Variants in ASXL2 observed in about 807,000 individuals in gnomAD.
ASXL2 encodes the protein ASXL transcriptional regulator 2.
Under a neutral mutation model 122.0 loss-of-function variants are expected in ASXL2, and 23 were observed. The ratio of observed to expected loss-of-function variants is 0.19; its 90% confidence interval spans 0.14 to 0.27. ASXL2 has a LOEUF of 0.27. ASXL2 is among the 10% of genes least tolerant of loss of function. The pLI is 1.00. For missense variants in ASXL2, 1,518 were observed against 1,713.8 expected, an observed-to-expected ratio of 0.89 and a Z score of 2.02; for synonymous variants, 650 against 637.0, an observed-to-expected ratio of 1.02 and a Z score of -0.31.
In ASXL2 at chr2:25,735,671, T is replaced by C. The variant is rs1382075645; in HGVS notation, c.*6358A>G. 6.6e-6 allele frequency: 1 copy of C among 152,240 alleles called. No individual in the cohort carries two copies. The highest frequency in any genetic ancestry group is 2.4e-5 in the African/African-American group (1 of 41,472). 9.4% of individuals were successfully genotyped at this position (152,240 alleles called of 1,614,324 possible). A position where few individuals can be genotyped will look rare whatever the true frequency, so the allele number is the denominator to read the frequency against. Reference sequence around the variant, plus strand: ...GGGTTAGTTTAACAAAACACTAACTTACTGACCTAAATTAACTACTGACAG... The same window carrying C: ...GGGTTAGTTTAACAAAACACTAACTCACTGACCTAAATTAACTACTGACAG... On this transcript the variant is annotated 3_prime_UTR_variant, in exon 13 of 13. Coordinates refer to ENST00000435504, the MANE Select transcript of ASXL2 (RefSeq NM_018263.6).
intron 5 of ASXL2, among the ~76,000 whole-genome samples, chr2:25,783,780 G>A (rs2088687442): frequency 6.6e-6 from 1 of 151,986 alleles, no homozygotes. Context: ...ACATGGCCGG[G>A]TGCGGTGGCT....
rs75406301 is a variant in ASXL2, at chr2:25,791,702, G to A, written c.403+7683C>T. Among the ~76,000 whole-genome samples the A allele has an allele frequency of 7.9e-3, 1,207 of 152,054 alleles. 29 individuals are homozygous for A. Among genetic ancestry groups the A allele is most frequent in the East Asian group, 0.041 (214 of 5,176 alleles). On this transcript the variant is annotated intron_variant, in intron 5 of 12. Coordinates refer to ENST00000435504, the MANE Select transcript of ASXL2 (RefSeq NM_018263.6). ...TCCATAACACATCCTGTCTTCCCTA[G>A]TGATTAAACTCTCCAGAGAAGAATA...
rs552573121 is a variant in ASXL2 at position 25,856,649 on chromosome 2, A to G, written c.58-11086T>C. On this transcript the variant is annotated intron_variant, in intron 1 of 12. Transcript: ENST00000435504. ...CAATGAAAATGTCCTCAGTCTCCCC[A>G]GAGTGGTGGCTCACCATCAACCCTC... is the stretch of plus-strand genomic sequence containing the variant. The G allele has an allele frequency of 1.1e-4, 142 of 1,259,420 alleles. No homozygotes were observed. In the African/African-American group the frequency reaches 1.9e-3, roughly 17 times the overall value. 78.0% of individuals were successfully genotyped at this position (1,259,420 alleles called of 1,614,324 possible).
intron 4 of ASXL2, 139 bp downstream of exon 4, chr2:25,806,090 T>G (rs1289472996): frequency 7.5e-6 from 4 of 533,792 alleles, no homozygotes; most frequent in Admixed American, 3.2e-5. Flanking sequence ...AAAAAATGTA[T>G]TGGGTAGAGG....
intron 1 of ASXL2, among the ~76,000 whole-genome samples, chr2:25,847,473 C>T (rs2089661879): frequency 1.3e-5 from 2 of 152,150 alleles, no homozygotes; most frequent in South Asian, 2.1e-4. Context: ...AAGCTTTCAC[C>T]ACTCACGTTT....
At chr2:25,865,317 A>G (rs1438089883) in intron 1 of ASXL2, among the ~76,000 whole-genome samples, 1 of 151,784 alleles carries the variant, frequency 6.6e-6, no homozygotes, top group Non-Finnish European at 1.5e-5. Flanking sequence ...TTTAAGTCCC[A>G]GCTACTTGGG....
chr2:25,764,912 CT>C (rs2088316607), intron 8 of ASXL2, among the ~76,000 whole-genome samples: 1 of 152,136 alleles, frequency 6.6e-6, no homozygotes, highest in African/African-American at 2.4e-5. Context: ...CCTGAAGATA[CT>C]TTTGTGCCTC....
chr2:25,839,883 GTTTTCTTTTTTTTTT>G (rs1294325302), intron 2 of ASXL2, among the ~76,000 whole-genome samples: 3 of 146,132 alleles, frequency 2.1e-5, no homozygotes, highest in South Asian at 4.2e-4. Context: ...GCACTACCAT[GTTTTCTTTTTTTTTT>G]TTTTCTTTTT....
chr2:25,778,774 G>A (rs2088586571), intron 5 of ASXL2, among the ~76,000 whole-genome samples: 1 of 152,154 alleles, frequency 6.6e-6, no homozygotes, highest in South Asian at 2.1e-4. Context: ...ACCTGTCACA[G>A]AAAGTTGTCC....
At chr2:25,776,047 T>C (rs1387032355) in intron 5 of ASXL2, among the ~76,000 whole-genome samples, 1 of 152,194 alleles carries the variant, frequency 6.6e-6, no homozygotes, top group Non-Finnish European at 1.5e-5. Flanking sequence ...CAAAATTAAA[T>C]TTATTTTGAA....
chr2:25,822,754 T>C (rs541187229), intron 3 of ASXL2: 12 of 620,180 alleles, frequency 1.9e-5, no homozygotes, highest in African/African-American at 5.5e-5. Context: ...AGGGCAAAAC[T>C]CAATTGGCTT....
intron 3 of ASXL2, chr2:25,822,664 TAA>T: frequency 1.5e-6 from 1 of 651,154 alleles, no homozygotes; most frequent in Non-Finnish European, 2.8e-6. Flanking sequence ...ATTCCAAGCA[TAA>T]AAAAAACGGA....
At chr2:25,790,345 C>T (rs768241036) in intron 5 of ASXL2, among the ~76,000 whole-genome samples, 3 of 144,924 alleles carry the variant, frequency 2.1e-5, no homozygotes, top group East Asian at 2.0e-4. Flanking sequence ...GTGTGAGAAG[C>T]GCATGAGCAA....
Position 25,752,339 on chromosome 2 carries a change from TG to T in ASXL2, c.1142+1194del, listed in dbSNP as rs533744012. Among the ~76,000 whole-genome samples, 3 of 152,158 alleles carry T rather than the reference TG, an allele frequency of 2.0e-5. 1 individual carries two copies. Among genetic ancestry groups the T allele is most frequent in the Admixed American group, 2.0e-4 (3 of 15,276 alleles). On this transcript the variant is annotated intron_variant, in intron 11 of 12. Coordinates refer to ENST00000435504, the MANE Select transcript of ASXL2 (RefSeq NM_018263.6). Reference sequence around the variant, plus strand: ...ATAATTTCACTGTTGGATCTTTTGTTGGGGGGGAAAAACTGATTTAGGCTAC... The same window carrying T: ...ATAATTTCACTGTTGGATCTTTTGTTGGGGGGAAAAACTGATTTAGGCTAC...
chr2:25,839,373 G>A (rs2089550457), intron 2 of ASXL2, among the ~76,000 whole-genome samples: 7 of 152,124 alleles, frequency 4.6e-5, no homozygotes. Context: ...CAAATGACCA[G>A]ATATCACAGC....
intron 5 of ASXL2, among the ~76,000 whole-genome samples, chr2:25,790,431 C>T (rs964784644): frequency 6.8e-6 from 1 of 147,614 alleles, no homozygotes; most frequent in African/African-American, 2.5e-5. Flanking sequence ...TAAAAAAAAA[C>T]ATAAAAAAAG....
chr2:25,775,625 T>G (rs745799203), intron 5 of ASXL2, among the ~76,000 whole-genome samples: 29 of 152,292 alleles, frequency 1.9e-4, no homozygotes, highest in Middle Eastern at 3.4e-3. Flanking sequence ...CCTGCCACCA[T>G]GTGAAGTTGG....
intron 5 of ASXL2, among the ~76,000 whole-genome samples, chr2:25,777,390 G>A (rs551292911): frequency 1.1e-4 from 16 of 151,948 alleles, no homozygotes; most frequent in African/African-American, 2.4e-4. Flanking sequence ...CTATAATCCC[G>A]GCATTTTGGG....
At chr2:25,834,924 G>C (rs1438517446) in intron 3 of ASXL2, among the ~76,000 whole-genome samples, 1 of 152,078 alleles carries the variant, frequency 6.6e-6, no homozygotes, top group Non-Finnish European at 1.5e-5. Flanking sequence ...GTGGGTTCAA[G>C]CAATTCTCCT....
Sources: gnomAD v4.1 joint callset for allele counts (sites outside exome capture counted in the v4.1 genomes callset) on GRCh38, gnomAD v4.1.1 for gene constraint, MANE v1.5 for transcripts, NCBI Gene and HGNC (gene_info 2026-07-23, HGNC 2026-07-21) for gene names.